Variants in EOGT observed in about 807,000 individuals in gnomAD.
EOGT encodes EGF domain-specific O-linked N-acetylglucosamine transferase.
A neutral mutation model predicts 70.5 loss-of-function variants in EOGT; 55 were observed. That is an observed-to-expected ratio of 0.78 (90% CI 0.63 to 0.98). The LOEUF (loss-of-function observed/expected upper bound fraction) is 0.98, where lower values mean the gene tolerates loss of function less well. Ranked by LOEUF, EOGT falls within the 50% of genes least tolerant of loss-of-function variation. The probability of loss-of-function intolerance (pLI) is 0.00; values close to 1 mark genes in which losing one functional copy is unlikely to be tolerated. For synonymous variants in EOGT, 246 were observed against 217.1 expected (o/e 1.13, Z -1.17); for missense variants, 703 against 641.9 (o/e 1.10, Z -1.03).
At chr3:68,983,294 T>G (rs754251303) in intron 14 of EOGT, among the ~76,000 whole-genome samples, 7 of 152,108 alleles carry the variant, frequency 4.6e-5, no homozygotes, top group African/African-American at 1.7e-4. Context: ...ACCTTAAGAG[T>G]TTTTGCCCCA....
At chr3:68,997,928 G>T in intron 10 of EOGT, 83 bp downstream of exon 10, 1 of 820,586 alleles carries the variant, frequency 1.2e-6, no homozygotes, top group South Asian at 1.8e-5. Context: ...ATGTGTCTTT[G>T]AAAATTCTGT....
intron 9 of EOGT, among the ~76,000 whole-genome samples, chr3:68,999,306 C>T (rs1055701797): frequency 2.0e-5 from 3 of 152,174 alleles, no homozygotes; most frequent in Non-Finnish European, 2.9e-5. Context: ...GTGGGAACTA[C>T]TATTTGTAAG....
intron 3 of EOGT, among the ~76,000 whole-genome samples, chr3:69,011,350 G>C (rs920615483): frequency 2.6e-5 from 4 of 151,772 alleles, no homozygotes; most frequent in Non-Finnish European, 5.9e-5. Flanking sequence ...GGAACCTTTA[G>C]AAACAGACTG....
chr3:69,002,954 C>T (rs569640213), intron 8 of EOGT, among the ~76,000 whole-genome samples: 50 of 152,226 alleles, frequency 3.3e-4, no homozygotes, highest in African/African-American at 1.1e-3. Flanking sequence ...AGGCATGAGC[C>T]GCCATTCCTG....
intron 15 of EOGT, among the ~76,000 whole-genome samples, chr3:68,980,334 C>G (rs578033693): frequency 5.9e-5 from 9 of 152,300 alleles, no homozygotes; most frequent in African/African-American, 2.2e-4. Context: ...CTGGGTACCT[C>G]CAAAATGATC....
At chr3:68,999,948 A>T (rs931910470) in intron 9 of EOGT, among the ~76,000 whole-genome samples, 4 of 152,224 alleles carry the variant, frequency 2.6e-5, no homozygotes, top group Admixed American at 6.5e-5. Context: ...TGAACCAGGC[A>T]CAGTTACTCA....
chr3:68,984,430 C>A (rs1246015078), intron 14 of EOGT, among the ~76,000 whole-genome samples: 1 of 152,188 alleles, frequency 6.6e-6, no homozygotes, highest in African/African-American at 2.4e-5. Flanking sequence ...GGCAAGCATG[C>A]CCTTTTTCAT....
chr3:68,983,661 C>G (rs2090717617), intron 14 of EOGT, among the ~76,000 whole-genome samples: 1 of 152,170 alleles, frequency 6.6e-6, no homozygotes, highest in South Asian at 2.1e-4. Flanking sequence ...TTCACTTAAT[C>G]CTCGTAAGAA....
chr3:68,977,505 C>T lies in EOGT; in HGVS notation c.*113G>A. On this transcript the variant is annotated 3_prime_UTR_variant, in exon 18 of 18. Transcript: ENST00000383701. ...ACAATATCCTGAAGGTATGTTTTGG[C>T]ATAGAAAAGGTAATTCGGGGATAGG... 2 of 1,108,574 alleles carry T rather than the reference C, an allele frequency of 1.8e-6. No individual in the cohort carries two copies. The highest frequency in any genetic ancestry group is 2.7e-6 in the Non-Finnish European group (2 of 751,918). 68.7% of individuals were successfully genotyped at this position (1,108,574 alleles called of 1,614,324 possible). A position where few individuals can be genotyped will look rare whatever the true frequency, so the allele number is the denominator to read the frequency against.
rs2090475697 is a variant in EOGT at position 68,976,532 on chromosome 3, T to G, written c.*1086A>C. 2 of 152,134 alleles carry G rather than the reference T, an allele frequency of 1.3e-5. No homozygotes were observed. The highest frequency in any genetic ancestry group is 2.9e-5 in the Non-Finnish European group (2 of 68,020). The allele number at this position is 152,134 out of a possible 1,614,324, so 9.4% of individuals were successfully genotyped here. A position where few individuals can be genotyped will look rare whatever the true frequency, so the allele number is the denominator to read the frequency against. Reference sequence around the variant, plus strand: ...TAAATATGAAACATGTAATATAAATTAATATAGTGGCATGATTTATTCAGG... The same window carrying G: ...TAAATATGAAACATGTAATATAAATGAATATAGTGGCATGATTTATTCAGG... On this transcript the variant is annotated 3_prime_UTR_variant, in exon 18 of 18. Coordinates refer to ENST00000383701, the MANE Select transcript of EOGT (RefSeq NM_001278689.2).
intron 14 of EOGT, among the ~76,000 whole-genome samples, chr3:68,984,205 CCTCTCT>C (rs61194778): frequency 6.7e-6 from 1 of 149,804 alleles, no homozygotes; most frequent in African/African-American, 2.4e-5. Context: ...AATCCCCTCC[CCTCTCT>C]CTCTCTCTCT....
intron 10 of EOGT, among the ~76,000 whole-genome samples, chr3:68,995,921 C>G (rs1173986708): frequency 8.5e-5 from 13 of 152,138 alleles, no homozygotes; most frequent in Non-Finnish European, 1.8e-4. Context: ...CTAATGAAAA[C>G]TCAAGTCCAC....
rs778771949 is a variant in EOGT, at chr3:69,008,431, C to A, written c.308G>T (p.Gly103Val). 5.0e-6 allele frequency: 8 copies of A among 1,611,226 alleles called. No individual in the cohort carries two copies. The Admixed American group carries it at 1.2e-4, about 23-fold the overall frequency. The change falls in exon 5 of 18, where the codon GGA becomes GTA. Residue 103 changes from glycine (G) to valine (V), a missense_variant. Physicochemically the swap from Gly to Val is moderately radical, Grantham distance 109. Transcript: ENST00000383701. ...GYPVCSYVDMGWTDTLESAED... is the reference protein window; with the variant it reads ...GYPVCSYVDMVWTDTLESAED... Reference sequence around the variant, plus strand: ...GGTATTCCATATGGAAACTTACCATCCCATGTCGACATAGCTGCAAACTGG... The same window carrying A: ...GGTATTCCATATGGAAACTTACCATACCATGTCGACATAGCTGCAAACTGG...
At chr3:68,989,124 C>G in intron 10 of EOGT, 107 bp from the exon 11 acceptor site, 1 of 586,278 alleles carries the variant, frequency 1.7e-6, no homozygotes, top group Non-Finnish European at 2.9e-6. Context: ...AACTAACAAT[C>G]CTACGCAAGT....
chr3:69,002,780 A>G (rs1261939168), intron 8 of EOGT, among the ~76,000 whole-genome samples: 1 of 151,934 alleles, frequency 6.6e-6, no homozygotes, highest in African/African-American at 2.4e-5. Flanking sequence ...TCAGCCTCCC[A>G]AGTAGCTAGG....
At position 68,977,492 on chromosome 3, in the gene EOGT, A is replaced by C. The variant is rs2090503562; in HGVS notation, c.*126T>G. On this transcript the variant is annotated 3_prime_UTR_variant, in exon 18 of 18. Transcript: ENST00000383701. ...TATACAACACATAACAATATCCTGA[A>C]GGTATGTTTTGGCATAGAAAAGGTA... 3.3e-6 allele frequency: 3 copies of C among 920,772 alleles called. No individual in the cohort carries two copies. The highest frequency in any genetic ancestry group is 3.1e-5 in the South Asian group (2 of 65,442). 57.0% of individuals were successfully genotyped at this position (920,772 alleles called of 1,614,324 possible).
chr3:68,998,346 G>A (rs968573759), intron 9 of EOGT, among the ~76,000 whole-genome samples: 10 of 152,122 alleles, frequency 6.6e-5, no homozygotes, highest in Non-Finnish European at 1.2e-4. Context: ...TTTAAAATCA[G>A]GAATGCATTT....
intron 14 of EOGT, among the ~76,000 whole-genome samples, chr3:68,983,989 T>A (rs2090728561): frequency 6.6e-6 from 1 of 152,034 alleles, no homozygotes; most frequent in Admixed American, 6.6e-5. Context: ...ATACCAAATA[T>A]CATACCAAGT....
chr3:69,006,906 C>T (rs919109694), intron 6 of EOGT, among the ~76,000 whole-genome samples: 1 of 152,106 alleles, frequency 6.6e-6, no homozygotes, highest in Non-Finnish European at 1.5e-5. Flanking sequence ...CTCTGAGGAC[C>T]CTGTTTTCCA....
Sources: gnomAD v4.1 joint callset for allele counts (sites outside exome capture counted in the v4.1 genomes callset) on GRCh38, gnomAD v4.1.1 for gene constraint, MANE v1.5 for transcripts, NCBI Gene and HGNC (gene_info 2026-07-23, HGNC 2026-07-21) for gene names.